The following CAMK1D variants were observed in gnomAD, a reference collection of about 807,000 sequenced individuals.
The protein encoded by CAMK1D is calcium/calmodulin-dependent protein kinase type 1D.
In CAMK1D, 9 loss-of-function variants were observed where a neutral mutation model predicts 47.7. The observed-to-expected ratio is 0.19, with a 90% CI of 0.11 to 0.33. CAMK1D has a LOEUF of 0.33. CAMK1D is among the 10% of genes least tolerant of loss of function. The pLI is 1.00. For missense variants in CAMK1D, 291 were observed against 488.7 expected (o/e 0.60, Z 3.81); for synonymous variants, 184 against 184.9 (o/e 0.99, Z 0.04).
At chr10:12,569,722 C>CAAAA (rs56335336) in intron 2 of CAMK1D, among the ~76,000 whole-genome samples, 20,990 of 70,946 alleles carry the variant, frequency 0.3, 3,853 homozygotes, top group Middle Eastern at 0.39. Context: ...GACTCCGTCT[C>CAAAA]AAAAAAAAAA....
intron 2 of CAMK1D, among the ~76,000 whole-genome samples, chr10:12,633,189 G>A (rs1230616235): frequency 6.6e-6 from 1 of 152,214 alleles, no homozygotes; most frequent in African/African-American, 2.4e-5. Flanking sequence ...ATGTTTAGTT[G>A]TGGCTGCCAC....
chr10:12,372,473 C>G (rs556870419), intron 1 of CAMK1D, among the ~76,000 whole-genome samples: 2 of 152,292 alleles, frequency 1.3e-5, no homozygotes, highest in Non-Finnish European at 2.9e-5. Flanking sequence ...GTTTTCCTTG[C>G]CCTGGTTGGT....
intron 6 of CAMK1D, among the ~76,000 whole-genome samples, chr10:12,807,273 T>C (rs938722181): frequency 2.0e-5 from 3 of 152,198 alleles, no homozygotes; most frequent in South Asian, 2.1e-4. Context: ...TTCTCTCCAG[T>C]TGCCTTAAGG....
intron 2 of CAMK1D, among the ~76,000 whole-genome samples, chr10:12,642,836 C>G (rs1318451100): frequency 6.6e-6 from 1 of 151,932 alleles, no homozygotes; most frequent in East Asian, 1.9e-4. Context: ...GTAAAGAAAA[C>G]CTAAGAGTTT....
At chr10:12,544,821 GTACTAGTGTTAAGTGGA>G in intron 1 of CAMK1D, among the ~76,000 whole-genome samples, 1 of 125,388 alleles carries the variant, frequency 8.0e-6, no homozygotes, top group East Asian at 2.3e-4. Flanking sequence ...TGAGTGGATA[GTACTAGTGTTAAGTGGA>G]TAGTACTAGT....
At chr10:12,373,956 CAA>C (rs35008954) in intron 1 of CAMK1D, among the ~76,000 whole-genome samples, 15,527 of 85,748 alleles carry the variant, frequency 0.18, 1,016 homozygotes, top group South Asian at 0.25. Flanking sequence ...CACTCTTTAT[CAA>C]AAAAAAAAAA....
intron 3 of CAMK1D, among the ~76,000 whole-genome samples, chr10:12,726,273 A>T (rs1361545283): frequency 6.6e-6 from 1 of 151,850 alleles, no homozygotes; most frequent in Non-Finnish European, 1.5e-5. Context: ...AAATATAAAA[A>T]ATTAGCTGGG....
intron 8 of CAMK1D, among the ~76,000 whole-genome samples, chr10:12,819,428 G>GGGCCT (rs1211018326): frequency 6.6e-6 from 1 of 152,214 alleles, no homozygotes; most frequent in African/African-American, 2.4e-5. Context: ...GGCAGGGCAG[G>GGGCCT]GGCCTGGCCT....
At chr10:12,618,011 A>G (rs533920676) in intron 2 of CAMK1D, among the ~76,000 whole-genome samples, 184 of 152,334 alleles carry the variant, frequency 1.2e-3, no homozygotes, top group African/African-American at 4.2e-3. Context: ...GGTTCAGGGT[A>G]GAATGCTGTC....
At chr10:12,639,838 A>T (rs1326546175) in intron 2 of CAMK1D, among the ~76,000 whole-genome samples, 1 of 152,006 alleles carries the variant, frequency 6.6e-6, no homozygotes, top group Admixed American at 6.6e-5. Context: ...AAGTGGATAT[A>T]TATATATATT....
intron 3 of CAMK1D, among the ~76,000 whole-genome samples, chr10:12,692,671 A>G (rs144861131): frequency 1.3e-4 from 20 of 152,368 alleles, no homozygotes; most frequent in African/African-American, 4.6e-4. Flanking sequence ...ATATGTTGCA[A>G]AAACATTTAA....
intron 1 of CAMK1D, among the ~76,000 whole-genome samples, chr10:12,417,306 ACTAC>A (rs1839887671): frequency 6.6e-6 from 1 of 151,506 alleles, no homozygotes; most frequent in African/African-American, 2.4e-5. Flanking sequence ...GAACAGGAGA[ACTAC>A]ACTGTGGATT....
intron 1 of CAMK1D, among the ~76,000 whole-genome samples, chr10:12,354,964 C>G (rs758905232): frequency 2.2e-4 from 34 of 151,690 alleles, no homozygotes; most frequent in Non-Finnish European, 4.9e-4. Context: ...TCCTGAACCT[C>G]CAGAGTAGCC....
chr10:12,781,975 T>G (rs10906221), intron 5 of CAMK1D, among the ~76,000 whole-genome samples: 23 of 39,888 alleles, frequency 5.8e-4, no homozygotes, highest in African/African-American at 1.0e-3. Flanking sequence ...TTTAATTGTT[T>G]TTTTTTTTTT....
At chr10:12,474,414 C>T (rs977850495) in intron 1 of CAMK1D, among the ~76,000 whole-genome samples, 6 of 151,788 alleles carry the variant, frequency 4.0e-5, no homozygotes, top group Admixed American at 2.6e-4. Context: ...AGGATGGTCT[C>T]GATCTCCTGA....
chr10:12,812,547 T>C (rs561346916), intron 6 of CAMK1D, among the ~76,000 whole-genome samples: 6 of 151,888 alleles, frequency 4.0e-5, no homozygotes, highest in African/African-American at 7.2e-5. Context: ...ACCCAGGAGG[T>C]AGAGGTTGCA....
At chr10:12,394,703 A>G (rs1213005797) in intron 1 of CAMK1D, among the ~76,000 whole-genome samples, 1 of 152,152 alleles carries the variant, frequency 6.6e-6, no homozygotes, top group East Asian at 1.9e-4. Flanking sequence ...GCATGAAGGA[A>G]CCAGTGGGAA....
intron 6 of CAMK1D, among the ~76,000 whole-genome samples, chr10:12,801,835 G>A (rs1838497451): frequency 6.6e-6 from 1 of 152,148 alleles, no homozygotes; most frequent in Admixed American, 6.5e-5. Context: ...AGTGGGTGTT[G>A]TTATCCCCAT....
chr10:12,541,937 G>A (rs1045853548), intron 1 of CAMK1D, among the ~76,000 whole-genome samples: 7 of 147,072 alleles, frequency 4.8e-5, no homozygotes, highest in Non-Finnish European at 8.9e-5. Flanking sequence ...GTGCAGCGGT[G>A]CAATCACAGC....
Sources: allele counts gnomAD v4.1 joint callset (sites outside exome capture counted in the v4.1 genomes callset), GRCh38; gene constraint gnomAD v4.1.1; transcripts MANE v1.5; gene names NCBI Gene and HGNC (gene_info 2026-07-23, HGNC 2026-07-21).